Variants in PISD observed in about 807,000 individuals in gnomAD.
The protein encoded by PISD is phosphatidylserine decarboxylase, also known as phosphatidylserine decarboxylase proenzyme, mitochondrial.
Under a neutral mutation model 43.5 loss-of-function variants are expected in PISD, and 31 were observed. The observed-to-expected ratio is 0.71, with a 90% confidence interval of 0.54 to 0.96. PISD has a LOEUF of 0.96. Ranked by LOEUF, PISD falls within the 40% of genes least tolerant of loss-of-function variation. The pLI, the probability that PISD is intolerant of heterozygous loss-of-function variation, is 0.00. For synonymous variants in PISD, 259 were observed against 228.7 expected (o/e 1.13, Z -1.20); for missense variants, 523 against 548.4 (o/e 0.95, Z 0.46).
intron 3 of PISD, chr22:31,627,918 G>A (rs1603400324): frequency 1.6e-6 from 1 of 611,426 alleles, no homozygotes; most frequent in African/African-American, 2.0e-5. Context: ...CATGAGGCCA[G>A]GGGCCAGGTC....
chr22:31,662,077 T>G, intron 1 of PISD, 67 bp downstream of exon 1: 5 of 1,403,256 alleles, frequency 3.6e-6, no homozygotes, highest in Non-Finnish European at 5.0e-6. Flanking sequence ...CAGAAACATC[T>G]CTCTTCAGAC....
Position 31,619,300 on chromosome 22 carries a change from T to G in PISD, c.*312A>C. On this transcript the variant is annotated 3_prime_UTR_variant, in exon 8 of 8. Transcript: ENST00000439502. ...CAACCGAGACCAACTGAAGGTTCGG[T>G]CAGGAATGCAGGCTCTTCCGTCTAT... is the stretch of plus-strand genomic sequence containing the variant. 2.8e-6 allele frequency: 1 copy of G among 358,802 alleles called. No homozygotes were observed. The highest frequency in any genetic ancestry group is 5.4e-6 in the Non-Finnish European group (1 of 186,704). 22.2% of individuals were successfully genotyped at this position (358,802 alleles called of 1,614,324 possible).
At chr22:31,632,316 G>A (rs2147703420) in intron 3 of PISD, 1 of 895,750 alleles carries the variant, frequency 1.1e-6, no homozygotes, top group Middle Eastern at 5.7e-4. Flanking sequence ...TGGGAACAGG[G>A]AGGCAGGGGT....
At chr22:31,648,391 G>C in intron 2 of PISD, 115 bp from the exon 3 acceptor site, 1 of 819,218 alleles carries the variant, frequency 1.2e-6, no homozygotes, top group South Asian at 1.7e-5. Context: ...GAAGCCCTCA[G>C]TAGGGGACCA....
At chr22:31,652,670 G>A (rs936817146) in intron 1 of PISD, among the ~76,000 whole-genome samples, 10 of 151,090 alleles carry the variant, frequency 6.6e-5, no homozygotes, top group Admixed American at 2.6e-4. Flanking sequence ...AGCCGGGCGC[G>A]GTGGCACACA....
chr22:31,655,810 T>G (rs2074154385), intron 1 of PISD, among the ~76,000 whole-genome samples: 1 of 151,826 alleles, frequency 6.6e-6, no homozygotes, highest in Non-Finnish European at 1.5e-5. Context: ...AATTTTTGTG[T>G]TTTTTTAGTA....
intron 3 of PISD, among the ~76,000 whole-genome samples, chr22:31,624,753 ACAC>A (rs1484081737): frequency 3.1e-5 from 4 of 128,820 alleles, no homozygotes; most frequent in South Asian, 4.7e-4. Context: ...ACACACACAC[ACAC>A]GAGACCCAAG....
chr22:31,636,417 C>A (rs1295157877), intron 3 of PISD, among the ~76,000 whole-genome samples: 1 of 152,248 alleles, frequency 6.6e-6, no homozygotes, highest in Non-Finnish European at 1.5e-5. Context: ...TTGCCACAAG[C>A]CCCCAGGGCC....
At chr22:31,654,408 A>G (rs2074110635) in intron 1 of PISD, among the ~76,000 whole-genome samples, 1 of 152,086 alleles carries the variant, frequency 6.6e-6, no homozygotes, top group Admixed American at 6.6e-5. Flanking sequence ...CCATGGCTTT[A>G]AAGAACCATC....
In PISD at chr22:31,621,726, G is replaced by A; in HGVS notation, c.481C>T (p.His161Tyr). 2.5e-6 allele frequency: 4 copies of A among 1,614,140 alleles called. No individual in the cohort carries two copies. Among genetic ancestry groups the A allele is most frequent in the Non-Finnish European group, 3.4e-6 (4 of 1,180,040 alleles). Residue 161 changes from histidine (H) to tyrosine (Y), a missense_variant, in exon 4 of 8, where the codon CAC (histidine) becomes TAC (tyrosine). Coordinates refer to ENST00000439502, the MANE Select transcript of PISD (RefSeq NM_001326411.2). Reference protein sequence around the residue: ...MKEAAVEDLHHYRNLSEFFRR... With the variant: ...MKEAAVEDLHYYRNLSEFFRR... ...AAGAACTCGCTGAGGTTGCGGTAGT[G>A]ATGCAGGTCCTCCACAGCGGCCTCT...
Position 31,621,077 on chromosome 22 carries a change from C to T in PISD, c.763G>A (p.Val255Ile). 4 of 1,614,128 alleles carry T rather than the reference C, an allele frequency of 2.5e-6. No individual in the cohort carries two copies. The highest frequency in any genetic ancestry group is 3.4e-6 in the Non-Finnish European group (4 of 1,180,004). Residue 255 changes from valine to isoleucine, a missense_variant, in exon 6 of 8, where the codon GTC becomes ATC. Val to Ile is a conservative substitution (Grantham distance 29, BLOSUM62 3). Coordinates refer to ENST00000439502, the MANE Select transcript of PISD (RefSeq NM_001326411.2). Reference protein sequence around the residue: ...TREGNELYHCVIYLAPGDYHC... With the variant: ...TREGNELYHCIIYLAPGDYHC... ...TAGTCCCCAGGGGCCAGGTAGATGA[C>T]ACAGTGATAGAGCTCATTCCCTTCC...
At chr22:31,658,008 GCTTT>G (rs1444194283) in intron 1 of PISD, among the ~76,000 whole-genome samples, 2 of 152,088 alleles carry the variant, frequency 1.3e-5, no homozygotes, top group Admixed American at 1.3e-4. Context: ...TAATTATCTT[GCTTT>G]CTTTTTCTTC....
intron 3 of PISD, among the ~76,000 whole-genome samples, chr22:31,646,144 C>G (rs1356431005): frequency 2.0e-5 from 3 of 151,870 alleles, no homozygotes; most frequent in African/African-American, 7.3e-5. Context: ...CACCTGTAAT[C>G]CCAGCACTTT....
At chr22:31,662,324 C>CTTAGT, upstream of PISD, 3 of 1,060,176 alleles carry the variant, frequency 2.8e-6, no homozygotes, top group Non-Finnish European at 2.9e-6. Context: ...GGGGGCGGAG[C>CTTAGT]CGACTAAGCT....
intron 2 of PISD, 75 bp from the exon 3 acceptor site, chr22:31,648,351 A>C (rs2073939069): frequency 7.5e-7 from 1 of 1,330,574 alleles, no homozygotes; most frequent in Non-Finnish European, 1.0e-6. Context: ...CAGCACCAAC[A>C]GGAGGGTCAG....
intron 7 of PISD, 27 bp downstream of exon 7, chr22:31,620,526 C>T (rs763242089): frequency 1.9e-6 from 3 of 1,612,462 alleles, no homozygotes; most frequent in Non-Finnish European, 1.7e-6. Flanking sequence ...GGCCCTTGGG[C>T]TTTGGCAGGG....
chr22:31,622,022 C>T (rs2072612233), intron 3 of PISD, 137 bp from the exon 4 acceptor site: 8 of 670,000 alleles, frequency 1.2e-5, no homozygotes, highest in South Asian at 3.6e-5. Flanking sequence ...AGGTGCCCCA[C>T]GCTGCTTTTG....
At chr22:31,650,561 T>C (rs925399838) in intron 2 of PISD, 138 bp downstream of exon 2, 7 of 511,292 alleles carry the variant, frequency 1.4e-5, no homozygotes, top group African/African-American at 1.2e-4. Flanking sequence ...AACCTAACGC[T>C]TCAGTGATAA....
At chr22:31,619,910 G>T in intron 7 of PISD, 74 bp from the exon 8 acceptor site, 1 of 958,276 alleles carries the variant, frequency 1.0e-6, no homozygotes, top group Non-Finnish European at 1.6e-6. Context: ...TGTGTTTGGA[G>T]TCCCACTCCC....
Sources: gnomAD v4.1 joint callset for allele counts (sites outside exome capture counted in the v4.1 genomes callset) on GRCh38, gnomAD v4.1.1 for gene constraint, MANE v1.5 for transcripts, NCBI Gene and HGNC (gene_info 2026-07-23, HGNC 2026-07-21) for gene names.